Variants in CIT observed in about 807,000 individuals in gnomAD.
CIT encodes the protein citron Rho-interacting kinase.
CIT carries 79 observed loss-of-function variants against 272.7 expected under a neutral mutation model. The observed-to-expected ratio is 0.29, with a 90% confidence interval of 0.24 to 0.35. The LOEUF (loss-of-function observed/expected upper bound fraction) is 0.35, where lower values mean the gene tolerates loss of function less well. Ranked by LOEUF, CIT falls within the 10% of genes least tolerant of loss-of-function variation. The pLI, the probability that CIT is intolerant of heterozygous loss-of-function variation, is 1.00. For missense variants in CIT, 1,909 were observed against 2,618.3 expected (o/e 0.73, Z 5.91); for synonymous variants, 948 against 995.6 (o/e 0.95, Z 0.90).
At position 119,713,164 on chromosome 12, in the gene CIT, G is replaced by T; in HGVS notation, c.4579+39C>A. 6.6e-7 allele frequency: 1 copy of T among 1,516,598 alleles called. No individual in the cohort carries two copies. The highest frequency in any genetic ancestry group is 9.1e-7 in the Non-Finnish European group (1 of 1,095,012). The allele number at this position is 1,516,598 out of a possible 1,614,324, so 93.9% of individuals were successfully genotyped here. A position where few individuals can be genotyped will look rare whatever the true frequency, so the allele number is the denominator to read the frequency against. ...GCCAGCACTGGGGAGACCTGGGTTA[G>T]CCACGTGCAATGACCTTCCCCCTGA... On this transcript the variant is annotated intron_variant, in intron 35 of 47. Coordinates refer to ENST00000392521, the MANE Select transcript of CIT (RefSeq NM_001206999.2). This position sits in a 1 kb window ranked among gnomAD's most constrained non-coding sequence, Gnocchi z 5.2.
chr12:119,814,561 GAAGT>G (rs1163846458), intron 9 of CIT, among the ~76,000 whole-genome samples: 1 of 152,064 alleles, frequency 6.6e-6, no homozygotes, highest in African/African-American at 2.4e-5. Context: ...TCCTGCCCCT[GAAGT>G]AAGTGAGTGT....
Position 119,697,525 on chromosome 12 carries a change from G to A in CIT, c.5882+134C>T, listed in dbSNP as rs115618564. On this transcript the variant is annotated intron_variant, in intron 46 of 47. Coordinates refer to ENST00000392521, the MANE Select transcript of CIT (RefSeq NM_001206999.2). This position sits in a 1 kb window ranked among gnomAD's most constrained non-coding sequence, Gnocchi z 4.9. ...CTGTGTTATTTCAGTGCCGCAGATC[G>A]CAAACAAATGAATGGTTTGAGCTTA... The A allele has an allele frequency of 4.0e-3, 3,829 of 958,308 alleles. 95 individuals are homozygous for A. The African/African-American group carries it at 0.057, about 14-fold the overall frequency. 59.4% of individuals were successfully genotyped at this position (958,308 alleles called of 1,614,324 possible).
At chr12:119,830,487 C>T (rs1044541212) in intron 7 of CIT, among the ~76,000 whole-genome samples, 1 of 152,074 alleles carries the variant, frequency 6.6e-6, no homozygotes. Flanking sequence ...CAAGCAGTAA[C>T]TTTGGAACTT....
intron 24 of CIT, among the ~76,000 whole-genome samples, chr12:119,736,704 T>C (rs899854814): frequency 6.6e-6 from 1 of 152,224 alleles, no homozygotes; most frequent in African/African-American, 2.4e-5. Flanking sequence ...AACAGACACT[T>C]ATGACTTGCA....
chr12:119,741,604 T>C (rs278115), intron 24 of CIT, among the ~76,000 whole-genome samples: 126,210 of 152,210 alleles, frequency 0.83, 52,650 homozygotes, highest in Middle Eastern at 0.9. Context: ...AAAATATGTA[T>C]GTGTGTGGAG....
intron 19 of CIT, among the ~76,000 whole-genome samples, chr12:119,761,937 G>A (rs1456897319): frequency 6.6e-6 from 1 of 152,102 alleles, no homozygotes; most frequent in South Asian, 2.1e-4. Context: ...AAAAGAAGAC[G>A]ACATCAGAAC....
chr12:119,851,338 C>T (rs551666323), intron 4 of CIT, among the ~76,000 whole-genome samples: 1 of 152,288 alleles, frequency 6.6e-6, no homozygotes, highest in South Asian at 2.1e-4. Flanking sequence ...TTCCTTAGTG[C>T]TGTCCACTGA....
chr12:119,718,513 G>T lies in CIT; in HGVS notation c.4004-104C>A. ...ATCTTTCAAGGACCCAAGACCAAAA[G>T]AATATGCGTCACATCAACTTGGCAA... On this transcript the variant is annotated intron_variant, in intron 31 of 47. Transcript: ENST00000392521. The surrounding 1 kb of genome is among the most constrained non-coding windows in gnomAD (Gnocchi z 4.8). The T allele has an allele frequency of 6.8e-7, 1 of 1,463,472 alleles. No individual in the cohort carries two copies. The highest frequency in any genetic ancestry group is 9.3e-7 in the Non-Finnish European group (1 of 1,079,420). 90.7% of individuals were successfully genotyped at this position (1,463,472 alleles called of 1,614,324 possible).
Position 119,776,737 on chromosome 12 carries a change from C to G in CIT, c.1771G>C (p.Glu591Gln). Reference protein sequence around the residue: ...RSDLYESELRESRLAAEEFKR... With the variant: ...RSDLYESELRQSRLAAEEFKR... Reference sequence around the variant, plus strand: ...AATTCTTCAGCAGCAAGCCGAGACTCTCTCAGCTCAGATTCGTAGAGATCA... The same window carrying G: ...AATTCTTCAGCAGCAAGCCGAGACTGTCTCAGCTCAGATTCGTAGAGATCA... The change falls in exon 14 of 48, where the codon GAG becomes CAG. Residue 591 changes from glutamate to glutamine, a missense_variant. This residue lies in a region of CIT where 530 missense variants were observed against 822.4 expected (regional missense o/e 0.64). Coordinates refer to ENST00000392521, the MANE Select transcript of CIT (RefSeq NM_001206999.2). 6.2e-7 allele frequency: 1 copy of G among 1,614,126 alleles called. No homozygotes were observed. The highest frequency in any genetic ancestry group is 2.2e-5 in the East Asian group (1 of 44,880).
chr12:119,858,939 GT>G (rs1476522880), intron 3 of CIT, among the ~76,000 whole-genome samples: 2 of 152,082 alleles, frequency 1.3e-5, no homozygotes, highest in Non-Finnish European at 2.9e-5. Flanking sequence ...TGCAACTATA[GT>G]TTTCTTACCA....
At chr12:119,799,761 C>T (rs1005115621) in intron 10 of CIT, among the ~76,000 whole-genome samples, 3 of 151,852 alleles carry the variant, frequency 2.0e-5, no homozygotes, top group South Asian at 2.1e-4. Context: ...CCCAAGGCCC[C>T]GGGGGCTGCA....
chr12:119,855,724 A>G (rs2138291525), intron 4 of CIT, among the ~76,000 whole-genome samples: 1 of 152,304 alleles, frequency 6.6e-6, no homozygotes, highest in South Asian at 2.1e-4. Flanking sequence ...ATAAGCCCCC[A>G]GCCCACACTT....
At chr12:119,782,771 C>T in intron 12 of CIT, 134 bp from the exon 13 acceptor site, 2 of 1,123,744 alleles carry the variant, frequency 1.8e-6, no homozygotes, top group Non-Finnish European at 2.5e-6. Flanking sequence ...TCACAACTTC[C>T]AGTTGGTTGC....
chr12:119,760,869 T>C, intron 20 of CIT, 70 bp downstream of exon 20: 2 of 969,820 alleles, frequency 2.1e-6, no homozygotes, highest in Non-Finnish European at 3.4e-6. Flanking sequence ...TAGAGTCTTA[T>C]CAGGGGTGAT....
At chr12:119,847,307 C>A (rs1969881792) in intron 5 of CIT, among the ~76,000 whole-genome samples, 1 of 152,186 alleles carries the variant, frequency 6.6e-6, no homozygotes, top group African/African-American at 2.4e-5. Context: ...AATAAAGAAG[C>A]CTGAGGCTGG....
At chr12:119,692,495 G>A (rs1369379608) in intron 46 of CIT, among the ~76,000 whole-genome samples, 1 of 152,210 alleles carries the variant, frequency 6.6e-6, no homozygotes, top group Non-Finnish European at 1.5e-5. Flanking sequence ...ATTGTGGAAG[G>A]AGAGACTCTA....
intron 5 of CIT, among the ~76,000 whole-genome samples, chr12:119,836,528 T>C (rs534176005): frequency 4.6e-5 from 7 of 152,028 alleles, no homozygotes; most frequent in African/African-American, 9.6e-5. Context: ...GTTTTAAATA[T>C]ATATTGACAT....
chr12:119,752,023 C>G, intron 23 of CIT, 27 bp downstream of exon 23: 1 of 1,597,564 alleles, frequency 6.3e-7, no homozygotes, highest in Non-Finnish European at 8.5e-7. Flanking sequence ...CCTTTAGCAA[C>G]CTGAAGATGT....
In CIT at chr12:119,728,755, C is replaced by T; in HGVS notation, c.3487-149G>A. On this transcript the variant is annotated intron_variant, in intron 27 of 47. Coordinates refer to ENST00000392521, the MANE Select transcript of CIT (RefSeq NM_001206999.2). This position sits in a 1 kb window ranked among gnomAD's most constrained non-coding sequence, Gnocchi z 4.3. ...GTTGCTTTTTTCTAAATACAGAAGT[C>T]CCTGTCACTGGTGAGTCTTCCATAG... 8 of 586,050 alleles carry T rather than the reference C, an allele frequency of 1.4e-5. No homozygotes were observed. The South Asian group carries it at 1.7e-4, about 13-fold the overall frequency. The allele number at this position is 586,050 out of a possible 1,614,324, so 36.3% of individuals were successfully genotyped here. A position where few individuals can be genotyped will look rare whatever the true frequency, so the allele number is the denominator to read the frequency against.
Sources: gnomAD v4.1 joint callset for allele counts (sites outside exome capture counted in the v4.1 genomes callset) on GRCh38, gnomAD v4.1.1 for gene constraint, gnomAD v4.1.1 regional missense constraint, Gnocchi (gnomAD v3.1) non-coding constraint, MANE v1.5 for transcripts, NCBI Gene and HGNC (gene_info 2026-07-23, HGNC 2026-07-21) for gene names.